Variants in CACNA2D3 observed in about 807,000 individuals in gnomAD.
CACNA2D3 encodes voltage-dependent calcium channel subunit alpha-2/delta-3.
A neutral mutation model predicts 160.6 loss-of-function variants in CACNA2D3; 60 were observed. The ratio of observed to expected loss-of-function variants is 0.37; its 90% CI spans 0.30 to 0.46. CACNA2D3 has a LOEUF of 0.46. CACNA2D3 is among the 20% of genes least tolerant of loss of function. The pLI is 1.00. For missense variants in CACNA2D3, 1,205 were observed against 1,365.0 expected, an observed-to-expected ratio of 0.88 and a Z score of 1.85; for synonymous variants, 558 against 492.9, an observed-to-expected ratio of 1.13 and a Z score of -1.75.
chr3:54,262,532 T>C (rs1026132685), intron 2 of CACNA2D3, among the ~76,000 whole-genome samples: 9 of 152,192 alleles, frequency 5.9e-5, no homozygotes, highest in Non-Finnish European at 1.3e-4. Flanking sequence ...GTTATGTAAT[T>C]AAATATGTTC....
At chr3:54,992,979 A>T (rs1332303951) in intron 31 of CACNA2D3, among the ~76,000 whole-genome samples, 2 of 152,000 alleles carry the variant, frequency 1.3e-5, no homozygotes, top group African/African-American at 4.8e-5. Context: ...GGAGGAGGAG[A>T]TGTGCTAAAC....
chr3:54,306,560 C>A (rs1439081992), intron 2 of CACNA2D3, among the ~76,000 whole-genome samples: 1 of 152,168 alleles, frequency 6.6e-6, no homozygotes, highest in Admixed American at 6.5e-5. Context: ...CTTGCATGGC[C>A]AAGGAACTGT....
chr3:54,895,393 T>C (rs1192088749), intron 25 of CACNA2D3, among the ~76,000 whole-genome samples: 1 of 151,996 alleles, frequency 6.6e-6, no homozygotes, highest in Non-Finnish European at 1.5e-5. Flanking sequence ...TACAGGGAGG[T>C]AGATTCCAGA....
Position 54,122,678 on chromosome 3 carries a change from T to TCGC in CACNA2D3, c.-29_-27dup. 9.4e-7 allele frequency: 1 copy of TCGC among 1,068,706 alleles called. No homozygotes were observed. The highest frequency in any genetic ancestry group is 1.7e-5 in the African/African-American group (1 of 58,674). The allele number at this position is 1,068,706 out of a possible 1,614,324, so 66.2% of individuals were successfully genotyped here. A position where few individuals can be genotyped will look rare whatever the true frequency, so the allele number is the denominator to read the frequency against. Reference sequence around the variant, plus strand: ...GCGCAGCTCCCCGCGGCCGCTCTCGTCGCCGCCGCAGCGGGCGCGTCGGAG... The same window carrying TCGC: ...GCGCAGCTCCCCGCGGCCGCTCTCGTCGCCGCCGCCGCAGCGGGCGCGTCGGAG... On this transcript the variant is annotated 5_prime_UTR_variant, in exon 1 of 38. Coordinates refer to ENST00000474759, the MANE Select transcript of CACNA2D3 (RefSeq NM_018398.3).
chr3:54,220,156 A>G (rs1283123512), intron 2 of CACNA2D3, among the ~76,000 whole-genome samples: 1 of 152,048 alleles, frequency 6.6e-6, no homozygotes, highest in Admixed American at 6.5e-5. Context: ...TAATTGGTTA[A>G]TTGTTTCTTG....
At chr3:54,639,065 T>C (rs1699445123) in intron 10 of CACNA2D3, 3 of 146,364 alleles carry the variant, frequency 2.0e-5, no homozygotes. Context: ...AAATAAGGGA[T>C]TGGGGCGCAG....
At chr3:54,701,799 G>A (rs1282315271) in intron 11 of CACNA2D3, among the ~76,000 whole-genome samples, 1 of 152,092 alleles carries the variant, frequency 6.6e-6, no homozygotes, top group Non-Finnish European at 1.5e-5. Context: ...GCAATCTTAA[G>A]CCGAAAGAAT....
intron 3 of CACNA2D3, among the ~76,000 whole-genome samples, chr3:54,346,274 C>T (rs1698456885): frequency 6.6e-6 from 1 of 152,176 alleles, no homozygotes; most frequent in Admixed American, 6.5e-5. Context: ...TGCTCTCATC[C>T]AGTGTCTGGT....
At chr3:54,897,896 T>G (rs1289039446) in intron 26 of CACNA2D3, among the ~76,000 whole-genome samples, 1 of 152,212 alleles carries the variant, frequency 6.6e-6, no homozygotes, top group Non-Finnish European at 1.5e-5. Context: ...GGCTGAATGT[T>G]ATTGATGAGA....
At chr3:54,709,231 T>G (rs1289717923) in intron 11 of CACNA2D3, among the ~76,000 whole-genome samples, 2 of 152,026 alleles carry the variant, frequency 1.3e-5, no homozygotes, top group Non-Finnish European at 2.9e-5. Flanking sequence ...GCCAGGCTGG[T>G]CTCGAACTGC....
At chr3:55,066,693 T>G (rs1704646470) in intron 35 of CACNA2D3, among the ~76,000 whole-genome samples, 1 of 152,220 alleles carries the variant, frequency 6.6e-6, no homozygotes, top group Non-Finnish European at 1.5e-5. Flanking sequence ...AAGGGAGGAC[T>G]GGATTATTTC....
intron 2 of CACNA2D3, among the ~76,000 whole-genome samples, chr3:54,154,741 G>A (rs1275780471): frequency 1.3e-5 from 2 of 151,972 alleles, no homozygotes; most frequent in Middle Eastern, 3.2e-3. Context: ...ATGGTGTGGT[G>A]GTGTACAGCC....
chr3:54,227,370 C>G (rs73087960), intron 2 of CACNA2D3, among the ~76,000 whole-genome samples: 1 of 151,896 alleles, frequency 6.6e-6, no homozygotes, highest in Non-Finnish European at 1.5e-5. Flanking sequence ...ACTAGTTTAC[C>G]CAGCTTGCAG....
intron 3 of CACNA2D3, among the ~76,000 whole-genome samples, chr3:54,345,245 G>A (rs557829861): frequency 4.5e-4 from 68 of 152,298 alleles, no homozygotes; most frequent in South Asian, 1.2e-3. Flanking sequence ...CGAGATCCAA[G>A]AACCCTCTGC....
chr3:54,653,827 T>C (rs897361061), intron 11 of CACNA2D3, among the ~76,000 whole-genome samples: 13 of 152,160 alleles, frequency 8.5e-5, no homozygotes, highest in African/African-American at 3.1e-4. Flanking sequence ...TCCATCCAGG[T>C]GCTGCGGACC....
chr3:55,072,303 G>A (rs1216641517), intron 35 of CACNA2D3, among the ~76,000 whole-genome samples: 1 of 152,162 alleles, frequency 6.6e-6, no homozygotes, highest in African/African-American at 2.4e-5. Flanking sequence ...GAAACCAATT[G>A]TGTTGCAGTC....
chr3:55,072,264 ATGGGCAT>A (rs749860808), intron 35 of CACNA2D3, among the ~76,000 whole-genome samples: 2 of 152,180 alleles, frequency 1.3e-5, no homozygotes, highest in South Asian at 2.1e-4. Flanking sequence ...GGAATATTAG[ATGGGCAT>A]TGGGCATTTA....
intron 4 of CACNA2D3, among the ~76,000 whole-genome samples, chr3:54,472,403 A>G (rs1179219778): frequency 1.3e-5 from 2 of 152,212 alleles, no homozygotes; most frequent in Admixed American, 1.3e-4. Context: ...ATCTCAAAGT[A>G]ATAAGAGCTA....
At chr3:55,022,997 T>TA (rs35801444) in intron 35 of CACNA2D3, among the ~76,000 whole-genome samples, 1 of 152,096 alleles carries the variant, frequency 6.6e-6, no homozygotes, top group South Asian at 2.1e-4. Flanking sequence ...CTCTTTAATT[T>TA]AAAAAAAGCA....
Sources: allele counts gnomAD v4.1 joint callset (sites outside exome capture counted in the v4.1 genomes callset), GRCh38; gene constraint gnomAD v4.1.1; transcripts MANE v1.5; gene names NCBI Gene and HGNC (gene_info 2026-07-23, HGNC 2026-07-21).